GRIA4: variants seen among roughly 807,000 people sequenced by gnomAD.
GRIA4 encodes glutamate ionotropic receptor AMPA type subunit 4.
A neutral mutation model predicts 104.0 loss-of-function variants in GRIA4; 34 were observed. That is an observed-to-expected ratio of 0.33 (90% confidence interval 0.25 to 0.44). The LOEUF is 0.44. Among genes scored for constraint, GRIA4 ranks in the 20% least tolerant of loss-of-function variants. The pLI is 1.00. For missense variants in GRIA4, 750 were observed against 1,096.5 expected, an observed-to-expected ratio of 0.68 and a Z score of 4.46; for synonymous variants, 386 against 381.9, an observed-to-expected ratio of 1.01 and a Z score of -0.13.
At chr11:105,894,765 C>T (rs1946584658) in intron 6 of GRIA4, among the ~76,000 whole-genome samples, 1 of 151,958 alleles carries the variant, frequency 6.6e-6, no homozygotes, top group Admixed American at 6.5e-5. Context: ...TTACTTCTTA[C>T]TCTAACTGCA....
intron 14 of GRIA4, among the ~76,000 whole-genome samples, chr11:105,951,069 T>C (rs905307244): frequency 6.6e-6 from 1 of 152,166 alleles, no homozygotes; most frequent in African/African-American, 2.4e-5. Context: ...AACCTACATT[T>C]TGATTCAAAA....
intron 5 of GRIA4, among the ~76,000 whole-genome samples, chr11:105,872,224 A>G (rs1053461076): frequency 2.0e-5 from 3 of 152,162 alleles, no homozygotes; most frequent in African/African-American, 7.2e-5. Flanking sequence ...TTTATAATTT[A>G]TTTGCCTTGT....
chr11:105,798,424 G>A (rs766624895), intron 4 of GRIA4, among the ~76,000 whole-genome samples: 21 of 152,040 alleles, frequency 1.4e-4, no homozygotes, highest in Non-Finnish European at 2.6e-4. Context: ...GAGTGACAAA[G>A]CCAAAGTGGG....
chr11:105,855,079 A>G (rs1944962032), intron 4 of GRIA4, among the ~76,000 whole-genome samples: 1 of 152,176 alleles, frequency 6.6e-6, no homozygotes, highest in Non-Finnish European at 1.5e-5. Flanking sequence ...TTTATTAAGC[A>G]TTCTCCAAGC....
At chr11:105,749,063 A>T (rs1939841168) in intron 3 of GRIA4, among the ~76,000 whole-genome samples, 1 of 152,216 alleles carries the variant, frequency 6.6e-6, no homozygotes. Flanking sequence ...CAGAGTAAGA[A>T]GTGTTCAAGG....
chr11:105,776,827 G>A (rs1291151694), intron 4 of GRIA4, among the ~76,000 whole-genome samples: 1 of 152,170 alleles, frequency 6.6e-6, no homozygotes, highest in African/African-American at 2.4e-5. Flanking sequence ...GTCACAAACA[G>A]AGGTAACATC....
At position 105,662,367 on chromosome 11, in the gene GRIA4, A is replaced by T. The variant is rs73627634; in HGVS notation, c.247+49933A>T. ...CTATAAGCTTTTCCACTGATAAAAA[A>T]TAACCAAGATCAGATAGAAAGGAAA... is the stretch of plus-strand genomic sequence containing the variant. On this transcript the variant is annotated intron_variant, in intron 3 of 16. Transcript: ENST00000282499. Among the ~76,000 whole-genome samples the T allele has an allele frequency of 8.6e-3, 1,300 of 151,946 alleles. 21 individuals carry two copies. The highest frequency in any genetic ancestry group is 0.03 in the African/African-American group (1,242 of 41,506).
chr11:105,770,810 T>C (rs541389023), intron 4 of GRIA4, among the ~76,000 whole-genome samples: 7 of 152,070 alleles, frequency 4.6e-5, no homozygotes, highest in Non-Finnish European at 1.0e-4. Flanking sequence ...AGCCTATCTT[T>C]ACTAAGACCA....
chr11:105,631,224 A>C (rs1951027008), intron 3 of GRIA4, among the ~76,000 whole-genome samples: 1 of 152,162 alleles, frequency 6.6e-6, no homozygotes, highest in Non-Finnish European at 1.5e-5. Flanking sequence ...AGCTGTGATT[A>C]TATTGGGAAG....
At position 105,638,912 on chromosome 11, in the gene GRIA4, C is replaced by A. The variant is rs1388059622; in HGVS notation, c.247+26478C>A. On this transcript the variant is annotated intron_variant, in intron 3 of 16. Coordinates refer to ENST00000282499, the MANE Select transcript of GRIA4 (RefSeq NM_000829.4). ...CTTAACTTTTTTATTAGTGAAGTTG[C>A]CGACAAATCCTTTTCTATTACCTAA... Among the ~76,000 whole-genome samples, 6 of 152,006 alleles carry A rather than the reference C, an allele frequency of 3.9e-5. No individual in the cohort carries two copies. In the East Asian group the frequency reaches 1.2e-3, roughly 29 times the overall value.
intron 14 of GRIA4, among the ~76,000 whole-genome samples, chr11:105,966,703 T>A (rs1858386543): frequency 6.6e-6 from 1 of 151,692 alleles, no homozygotes; most frequent in Non-Finnish European, 1.5e-5. Flanking sequence ...AAATAATAGT[T>A]TTTTTTATTT....
chr11:105,693,163 T>C (rs1953150182), intron 3 of GRIA4, among the ~76,000 whole-genome samples: 1 of 152,182 alleles, frequency 6.6e-6, no homozygotes, highest in African/African-American at 2.4e-5. Context: ...CAAGCCATCA[T>C]TAATAAAAAA....
intron 3 of GRIA4, among the ~76,000 whole-genome samples, chr11:105,633,381 G>A (rs7936918): frequency 1.2e-3 from 190 of 152,296 alleles, no homozygotes; most frequent in African/African-American, 4.4e-3. Context: ...TAGACTATGA[G>A]CTTCTTGAGG....
At chr11:105,647,710 GCA>G (rs1209539308) in intron 3 of GRIA4, among the ~76,000 whole-genome samples, 2 of 152,084 alleles carry the variant, frequency 1.3e-5, no homozygotes, top group Non-Finnish European at 2.9e-5. Flanking sequence ...ACCAAATACT[GCA>G]CACTCTCACT....
intron 4 of GRIA4, among the ~76,000 whole-genome samples, chr11:105,846,312 C>G (rs4754136): frequency 6.6e-6 from 1 of 151,862 alleles, no homozygotes; most frequent in Non-Finnish European, 1.5e-5. Context: ...TTTGACAACA[C>G]CTGTAGTTAA....
intron 4 of GRIA4, among the ~76,000 whole-genome samples, chr11:105,753,668 C>T (rs1940138158): frequency 6.6e-6 from 1 of 152,134 alleles, no homozygotes; most frequent in South Asian, 2.1e-4. Flanking sequence ...ATTGAAGGCT[C>T]AGTCCCCCAC....
Position 105,808,700 on chromosome 11 carries a change from G to A in GRIA4, c.488-53324G>A, listed in dbSNP as rs117031022. 2.4e-4 allele frequency among the ~76,000 whole-genome samples: 37 copies of A among 152,090 alleles called. No homozygotes were observed. The East Asian group carries it at 5.6e-3, about 23-fold the overall frequency. On this transcript the variant is annotated intron_variant, in intron 4 of 16. Transcript: ENST00000282499. ...CCATCTTCTCCCTAAATATAAATAA[G>A]TACATGGCTAACCTGTCTCACAAGT...
At chr11:105,904,375 G>A (rs1431531137) in intron 8 of GRIA4, among the ~76,000 whole-genome samples, 3 of 152,126 alleles carry the variant, frequency 2.0e-5, no homozygotes, top group Non-Finnish European at 4.4e-5. Context: ...TTGGGGGCAG[G>A]TTTCAAATTG....
At chr11:105,762,844 T>C (rs1940732743) in intron 4 of GRIA4, among the ~76,000 whole-genome samples, 1 of 152,214 alleles carries the variant, frequency 6.6e-6, no homozygotes, top group Non-Finnish European at 1.5e-5. Flanking sequence ...CCCTTTCCTT[T>C]ATAAATTACC....
Sources: allele counts gnomAD v4.1 joint callset (sites outside exome capture counted in the v4.1 genomes callset), GRCh38; gene constraint gnomAD v4.1.1; transcripts MANE v1.5; gene names NCBI Gene and HGNC (gene_info 2026-07-23, HGNC 2026-07-21).